The following INPP4B variants were observed in gnomAD, a reference collection of about 807,000 sequenced individuals.
The protein encoded by INPP4B is inositol polyphosphate 4-phosphatase type II.
A neutral mutation model predicts 122.5 loss-of-function variants in INPP4B; 55 were observed. The observed-to-expected ratio is 0.45, with a 90% CI of 0.36 to 0.56. The LOEUF is 0.56. Among genes scored for constraint, INPP4B ranks in the 20% least tolerant of loss-of-function variants. The pLI, the probability that INPP4B is intolerant of heterozygous loss-of-function variation, is 0.00. For missense variants in INPP4B, 1,000 were observed against 1,097.7 expected (o/e 0.91, Z 1.26); for synonymous variants, 403 against 388.7 (o/e 1.04, Z -0.43).
intron 9 of INPP4B, among the ~76,000 whole-genome samples, chr4:142,298,665 C>G: frequency 9.8e-6 from 1 of 101,914 alleles, no homozygotes; most frequent in African/African-American, 3.9e-5. Context: ...GCCTTGGTGA[C>G]AGAGCAAGAC....
chr4:142,431,076 T>A (rs1183766038), intron 4 of INPP4B, 93 bp downstream of exon 4: 1 of 864,970 alleles, frequency 1.2e-6, no homozygotes, highest in Non-Finnish European at 1.9e-6. Context: ...GAAGTTCCTA[T>A]GAATCTATGA....
chr4:142,544,305 T>C (rs1164974199), intron 2 of INPP4B, among the ~76,000 whole-genome samples: 1 of 151,782 alleles, frequency 6.6e-6, no homozygotes, highest in Non-Finnish European at 1.5e-5. Flanking sequence ...AATTCATGAG[T>C]GTTTGATTGT....
chr4:142,563,441 G>T (rs1730891889), intron 2 of INPP4B, among the ~76,000 whole-genome samples: 2 of 152,206 alleles, frequency 1.3e-5, no homozygotes, highest in Admixed American at 1.3e-4. Context: ...GCAACATTTT[G>T]TAACAGAATG....
At chr4:142,082,238 T>G (rs376101125) in intron 24 of INPP4B, 53 bp from the exon 25 acceptor site, 2 of 1,420,664 alleles carry the variant, frequency 1.4e-6, no homozygotes, top group African/African-American at 1.4e-5. Context: ...TACCGTAAAG[T>G]GTCGGCCTCC....
chr4:142,354,505 C>T (rs986769778), intron 7 of INPP4B, among the ~76,000 whole-genome samples: 9 of 151,914 alleles, frequency 5.9e-5, no homozygotes, highest in East Asian at 3.9e-4. Flanking sequence ...AGGAATAAAC[C>T]GGCCAGAACA....
chr4:142,540,049 CT>C (rs1240955926), intron 2 of INPP4B, among the ~76,000 whole-genome samples: 1 of 151,932 alleles, frequency 6.6e-6, no homozygotes, highest in Admixed American at 6.6e-5. Flanking sequence ...GGGAGAAATA[CT>C]TTTTTACACA....
chr4:142,723,149 C>A (rs1177744788), intron 2 of INPP4B, among the ~76,000 whole-genome samples: 2 of 151,986 alleles, frequency 1.3e-5, no homozygotes, highest in Non-Finnish European at 2.9e-5. Context: ...TTTCAATTTA[C>A]AAAATTGTGT....
chr4:142,112,766 G>C, intron 21 of INPP4B, 84 bp from the exon 22 acceptor site: 1 of 1,357,080 alleles, frequency 7.4e-7, no homozygotes, highest in Non-Finnish European at 1.0e-6. Flanking sequence ...AACATTAAAA[G>C]GGTTGGAATA....
chr4:142,065,800 G>T (rs1763218368), intron 25 of INPP4B, among the ~76,000 whole-genome samples: 1 of 152,028 alleles, frequency 6.6e-6, no homozygotes, highest in Non-Finnish European at 1.5e-5. Context: ...CTACTGCATT[G>T]TACCCTATAA....
intron 22 of INPP4B, among the ~76,000 whole-genome samples, chr4:142,111,774 C>T (rs968730556): frequency 2.6e-5 from 4 of 151,660 alleles, no homozygotes; most frequent in South Asian, 2.1e-4. Flanking sequence ...GATGGAGTCT[C>T]GCTCTGCCGC....
At chr4:142,268,684 A>C (rs141100961) in intron 10 of INPP4B, among the ~76,000 whole-genome samples, 1 of 152,276 alleles carries the variant, frequency 6.6e-6, no homozygotes, top group East Asian at 1.9e-4. Flanking sequence ...GAAAAGGGGG[A>C]AAGTTCTGTC....
At chr4:142,734,503 G>A (rs1440747925) in intron 1 of INPP4B, among the ~76,000 whole-genome samples, 1 of 152,094 alleles carries the variant, frequency 6.6e-6, no homozygotes, top group Non-Finnish European at 1.5e-5. Context: ...TGGATCTTCA[G>A]GTATATTCCT....
At position 142,524,091 on chromosome 4, in the gene INPP4B, T is replaced by C. The variant is rs1398342974; in HGVS notation, c.-190-61365A>G. On this transcript the variant is annotated intron_variant, in intron 2 of 25. Coordinates refer to ENST00000262992, the MANE Select transcript of INPP4B (RefSeq NM_001101669.3). ...ATTTGGGATGGTTCCAAGTCTTTGC[T>C]ATTGTGAATAGTGCCGCAATAAACA... 1.3e-4 allele frequency among the ~76,000 whole-genome samples: 20 copies of C among 151,914 alleles called. No individual in the cohort carries two copies. In the East Asian group the frequency reaches 3.9e-3, roughly 30 times the overall value.
intron 5 of INPP4B, among the ~76,000 whole-genome samples, chr4:142,412,118 A>C (rs533192533): frequency 2.0e-4 from 31 of 152,274 alleles, no homozygotes; most frequent in African/African-American, 6.7e-4. Flanking sequence ...AGATTCCACT[A>C]ATCAACTGAT....
At chr4:142,509,221 C>T (rs2079257185) in intron 2 of INPP4B, among the ~76,000 whole-genome samples, 9 of 152,146 alleles carry the variant, frequency 5.9e-5, no homozygotes, top group Admixed American at 5.9e-4. Flanking sequence ...CAACGTGGAC[C>T]AGTTATTTTT....
In INPP4B at chr4:142,571,714, A is replaced by C. The variant is rs150533278; in HGVS notation, c.-190-108988T>G. ...AGTTTTGCTAACAATTATAGAATTA[A>C]ATAAAATGATATTTTGAGGGTTTTG... is the stretch of plus-strand genomic sequence containing the variant. On this transcript the variant is annotated intron_variant, in intron 2 of 25. Coordinates refer to ENST00000262992, the MANE Select transcript of INPP4B (RefSeq NM_001101669.3). 7.1e-4 allele frequency among the ~76,000 whole-genome samples: 108 copies of C among 152,282 alleles called. 1 individual carries two copies. Among genetic ancestry groups the C allele is most frequent in the African/African-American group, 2.5e-3 (105 of 41,576 alleles).
intron 2 of INPP4B, among the ~76,000 whole-genome samples, chr4:142,670,450 G>C (rs950245872): frequency 6.6e-6 from 1 of 152,246 alleles, no homozygotes; most frequent in East Asian, 1.9e-4. Flanking sequence ...TATACACAAT[G>C]ATATACTAGT....
At chr4:142,379,114 A>T (rs1029051959) in intron 7 of INPP4B, among the ~76,000 whole-genome samples, 1 of 152,144 alleles carries the variant, frequency 6.6e-6, no homozygotes, top group Non-Finnish European at 1.5e-5. Flanking sequence ...CAAAATGGCA[A>T]TTTTTTAAAA....
At position 142,415,334 on chromosome 4, in the gene INPP4B, G is replaced by A. The variant is rs1450914191; in HGVS notation, c.137-10010C>T. On this transcript the variant is annotated intron_variant, in intron 5 of 25. Transcript: ENST00000262992. ...TACCAAAGGTGGATGGCTAAGGGGA[G>A]TGGACTCAAGATGGCTGGACTCCGA... 2.6e-5 allele frequency among the ~76,000 whole-genome samples: 4 copies of A among 152,284 alleles called. No individual in the cohort carries two copies. In the East Asian group the frequency reaches 7.7e-4, roughly 29 times the overall value.
Sources: gnomAD v4.1 joint callset for allele counts (sites outside exome capture counted in the v4.1 genomes callset) on GRCh38, gnomAD v4.1.1 for gene constraint, MANE v1.5 for transcripts, NCBI Gene and HGNC (gene_info 2026-07-23, HGNC 2026-07-21) for gene names.